CDH4: variants seen among roughly 807,000 people sequenced by gnomAD.
The protein encoded by CDH4 is cadherin-4.
CDH4 carries 33 observed loss-of-function variants against 86.0 expected under a neutral mutation model. The observed-to-expected ratio is 0.38, with a 90% CI of 0.29 to 0.51. The LOEUF is 0.51. Among genes scored for constraint, CDH4 ranks in the 20% least tolerant of loss-of-function variants. The pLI is 0.86. For missense variants in CDH4, 1,114 were observed against 1,307.4 expected (o/e 0.85, Z 2.28); for synonymous variants, 555 against 549.4 (o/e 1.01, Z -0.14).
intron 2 of CDH4, among the ~76,000 whole-genome samples, chr20:61,380,355 A>G (rs1269031536): frequency 6.6e-6 from 1 of 152,142 alleles, no homozygotes; most frequent in Non-Finnish European, 1.5e-5. Context: ...ATCACACTCT[A>G]CACTCATCCC....
intron 2 of CDH4, among the ~76,000 whole-genome samples, chr20:61,655,873 TGG>T (rs2145823529): frequency 6.6e-6 from 1 of 152,322 alleles, no homozygotes; most frequent in African/African-American, 2.4e-5. Flanking sequence ...GTGAAGTGTG[TGG>T]CTAATAGAGA....
At chr20:61,548,290 A>T (rs962858806) in intron 2 of CDH4, among the ~76,000 whole-genome samples, 9 of 152,084 alleles carry the variant, frequency 5.9e-5, no homozygotes, top group African/African-American at 1.9e-4. Context: ...GCCAGAGGGG[A>T]GCTGAGAGGG....
chr20:61,647,699 G>T (rs2087080183), intron 2 of CDH4, among the ~76,000 whole-genome samples: 1 of 152,046 alleles, frequency 6.6e-6, no homozygotes, highest in South Asian at 2.1e-4. Context: ...ATGTGGAGAA[G>T]AGCCAGGCTG....
At chr20:61,705,042 C>T (rs933532758) in intron 2 of CDH4, among the ~76,000 whole-genome samples, 1 of 152,206 alleles carries the variant, frequency 6.6e-6, no homozygotes, top group African/African-American at 2.4e-5. Flanking sequence ...GTCCCCTGAG[C>T]ACACAGTCCT....
At chr20:61,258,022 G>A (rs578128345) in intron 2 of CDH4, among the ~76,000 whole-genome samples, 1 of 152,290 alleles carries the variant, frequency 6.6e-6, no homozygotes, top group South Asian at 2.1e-4. Flanking sequence ...TACACTATGG[G>A]CCACAGAGTA....
chr20:61,575,876 G>A (rs1313234173), intron 2 of CDH4, among the ~76,000 whole-genome samples: 2 of 152,162 alleles, frequency 1.3e-5, no homozygotes, highest in Non-Finnish European at 2.9e-5. Flanking sequence ...CCAAGTCTCA[G>A]GAATAAATAG....
intron 4 of CDH4, among the ~76,000 whole-genome samples, chr20:61,782,433 C>T (rs756238230): frequency 3.9e-5 from 6 of 152,100 alleles, no homozygotes; most frequent in Non-Finnish European, 4.4e-5. Context: ...ACAAATGACA[C>T]CAGTTGGAAA....
rs926368033 is a variant in CDH4 at position 61,399,119 on chromosome 20, C to CTTT, written c.169+144204_169+144206dup. Reference sequence around the variant, plus strand: ...CAATTGTTTCAGGAGGAAAAACCCACTTTTTTTTTTTTTTTTTTTTTTTTG... The same window carrying CTTT: ...CAATTGTTTCAGGAGGAAAAACCCACTTTTTTTTTTTTTTTTTTTTTTTTTTTG... On this transcript the variant is annotated intron_variant, in intron 2 of 15. Transcript: ENST00000614565. 2.9e-3 allele frequency among the ~76,000 whole-genome samples: 226 copies of CTTT among 77,010 alleles called. 3 individuals are homozygous for CTTT. Among genetic ancestry groups the CTTT allele is most frequent in the African/African-American group, 4.0e-3 (63 of 15,620 alleles). 50.5% of individuals were successfully genotyped at this position (77,010 alleles called of 152,430 possible).
At chr20:61,471,374 C>CT (rs1221309788) in intron 2 of CDH4, among the ~76,000 whole-genome samples, 2 of 151,880 alleles carry the variant, frequency 1.3e-5, no homozygotes, top group African/African-American at 2.4e-5. Context: ...TGCAATGTCT[C>CT]TTTTTTCATC....
At chr20:61,822,120 C>T (rs554814084) in intron 4 of CDH4, among the ~76,000 whole-genome samples, 2 of 152,224 alleles carry the variant, frequency 1.3e-5, no homozygotes, top group Non-Finnish European at 2.9e-5. Flanking sequence ...TAATGATTTA[C>T]TTATTTGCAG....
intron 2 of CDH4, among the ~76,000 whole-genome samples, chr20:61,259,112 A>T (rs2084116073): frequency 6.6e-6 from 1 of 152,232 alleles, no homozygotes; most frequent in Non-Finnish European, 1.5e-5. Context: ...GACCTTCCCC[A>T]GTGCCCAGTG....
chr20:61,679,721 G>T (rs1353635565), intron 2 of CDH4, among the ~76,000 whole-genome samples: 1 of 152,236 alleles, frequency 6.6e-6, no homozygotes, highest in Admixed American at 6.5e-5. Context: ...CCAGGAGGGA[G>T]CCTGTGGCCC....
intron 2 of CDH4, among the ~76,000 whole-genome samples, chr20:61,547,628 G>A (rs2086098509): frequency 6.6e-6 from 1 of 152,244 alleles, no homozygotes; most frequent in Middle Eastern, 3.4e-3. Context: ...TGGCCTCAAT[G>A]CTTTCACACT....
chr20:61,465,625 C>T (rs906609049), intron 2 of CDH4, among the ~76,000 whole-genome samples: 4 of 152,142 alleles, frequency 2.6e-5, no homozygotes, highest in African/African-American at 7.2e-5. Flanking sequence ...TATGTTTGAA[C>T]TGTTGTCAGT....
At position 61,754,609 on chromosome 20, in the gene CDH4, A is replaced by G. The variant is rs997280267; in HGVS notation, c.396+10820A>G. Among the ~76,000 whole-genome samples the G allele has an allele frequency of 1.4e-5, 2 of 142,538 alleles. No individual in the cohort carries two copies. The highest frequency in any genetic ancestry group is 1.3e-4 in the Admixed American group (2 of 14,930). The allele number at this position is 142,538 out of a possible 152,430, so 93.5% of individuals were successfully genotyped here. A position where few individuals can be genotyped will look rare whatever the true frequency, so the allele number is the denominator to read the frequency against. ...GCACACTGCCCGGAACACCACACAC[A>G]CGGTGCACGGCACACACACCACACA... On this transcript the variant is annotated intron_variant, in intron 3 of 15. Transcript: ENST00000614565. This position sits in a 1 kb window ranked among gnomAD's most constrained non-coding sequence, Gnocchi z 4.7.
intron 2 of CDH4, among the ~76,000 whole-genome samples, chr20:61,711,952 A>G (rs1430419362): frequency 3.3e-5 from 5 of 152,142 alleles, no homozygotes; most frequent in Admixed American, 2.0e-4. Context: ...ATAGCTGTGC[A>G]CTGAGGTGAG....
intron 15 of CDH4, among the ~76,000 whole-genome samples, chr20:61,935,298 CAGAA>C (rs1429635576): frequency 2.0e-5 from 3 of 152,214 alleles, no homozygotes; most frequent in Non-Finnish European, 4.4e-5. Context: ...AACAGAAAGA[CAGAA>C]AGGTTTCCCC....
At chr20:61,878,017 T>C (rs1453680977) in intron 7 of CDH4, among the ~76,000 whole-genome samples, 1 of 151,982 alleles carries the variant, frequency 6.6e-6, no homozygotes, top group Non-Finnish European at 1.5e-5. Context: ...AGGGAGGACT[T>C]CGTGGACACA....
chr20:61,290,511 G>A (rs935100729), intron 2 of CDH4, among the ~76,000 whole-genome samples: 1 of 152,228 alleles, frequency 6.6e-6, no homozygotes, highest in African/African-American at 2.4e-5. Context: ...TATCCAATGA[G>A]ACTTGCTGGG....
Sources: gnomAD v4.1 joint callset for allele counts (sites outside exome capture counted in the v4.1 genomes callset) on GRCh38, gnomAD v4.1.1 for gene constraint, Gnocchi (gnomAD v3.1) non-coding constraint, MANE v1.5 for transcripts, NCBI Gene and HGNC (gene_info 2026-07-23, HGNC 2026-07-21) for gene names.